KCNMA1: variants seen among roughly 807,000 people sequenced by gnomAD.
KCNMA1 encodes the protein Calcium-activated potassium channel subunit alpha-1.
In KCNMA1, 29 loss-of-function variants were observed where a neutral mutation model predicts 140.0. That is an observed-to-expected ratio of 0.21 (90% CI 0.15 to 0.28). KCNMA1 has a LOEUF of 0.28. KCNMA1 is among the 10% of genes least tolerant of loss of function. KCNMA1 has a pLI of 1.00. For synonymous variants in KCNMA1, 612 were observed against 611.9 expected (o/e 1.00, Z 0.00); for missense variants, 880 against 1,602.2 (o/e 0.55, Z 7.70).
At chr10:77,326,584 C>T (rs116386379) in intron 2 of KCNMA1, among the ~76,000 whole-genome samples, 2,167 of 152,154 alleles carry the variant, frequency 0.014, 46 homozygotes, top group African/African-American at 0.049. Flanking sequence ...ATTGCAAGAC[C>T]CAGAATGTCA....
intron 23 of KCNMA1, among the ~76,000 whole-genome samples, chr10:76,930,632 A>G (rs1030586132): frequency 1.3e-5 from 2 of 152,192 alleles, no homozygotes; most frequent in African/African-American, 2.4e-5. Flanking sequence ...TATATATCCA[A>G]CAGAAATGAA....
At chr10:77,195,900 G>C (rs1328887127) in intron 3 of KCNMA1, among the ~76,000 whole-genome samples, 1 of 152,130 alleles carries the variant, frequency 6.6e-6, no homozygotes, top group Non-Finnish European at 1.5e-5. Flanking sequence ...AGTGAGCCAA[G>C]ATCATACCAC....
At position 77,448,530 on chromosome 10, in the gene KCNMA1, C is replaced by T. The variant is rs1219386708; in HGVS notation, c.379-44507G>A. Among the ~76,000 whole-genome samples the T allele has an allele frequency of 2.6e-5, 4 of 152,276 alleles. No homozygotes were observed. The East Asian group carries it at 7.7e-4, about 29-fold the overall frequency. ...CTTTACATATGAGACAATCAAGACT[C>T]GCAACATCATAAAACTGATCAGCAG... On this transcript the variant is annotated intron_variant, in intron 1 of 27. Coordinates refer to ENST00000286628, the MANE Select transcript of KCNMA1 (RefSeq NM_001161352.2).
chr10:77,299,133 G>A (rs1013365545), intron 2 of KCNMA1, among the ~76,000 whole-genome samples: 6 of 152,178 alleles, frequency 3.9e-5, no homozygotes, highest in Admixed American at 6.5e-5. Context: ...TTTGCATGCT[G>A]AAATGGAGCA....
intron 19 of KCNMA1, among the ~76,000 whole-genome samples, chr10:76,992,582 C>T (rs1284825393): frequency 1.3e-5 from 2 of 152,134 alleles, no homozygotes; most frequent in Non-Finnish European, 2.9e-5. Flanking sequence ...TGGCTTGGTG[C>T]ATTTTGCCAC....
At position 77,340,455 on chromosome 10, in the gene KCNMA1, A is replaced by G. The variant is rs535166673; in HGVS notation, c.540+63407T>C. ...CTAATCACAATAGCACGGACTTGGAACCAACCCAAACGTCCATCAATGATA... is the reference window on the plus strand; with the variant it reads ...CTAATCACAATAGCACGGACTTGGAGCCAACCCAAACGTCCATCAATGATA... On this transcript the variant is annotated intron_variant, in intron 2 of 27. Transcript: ENST00000286628. 5.9e-5 allele frequency among the ~76,000 whole-genome samples: 9 copies of G among 152,312 alleles called. No individual in the cohort carries two copies. The South Asian group carries it at 1.7e-3, about 28-fold the overall frequency.
chr10:77,025,448 C>T (rs1381546919), intron 16 of KCNMA1: 2 of 1,602,776 alleles, frequency 1.2e-6, no homozygotes, highest in African/African-American at 2.7e-5. Flanking sequence ...GTGCATACCG[C>T]TTTCGGCTTC....
intron 14 of KCNMA1, among the ~76,000 whole-genome samples, chr10:77,049,777 T>C (rs1019604919): frequency 2.6e-5 from 4 of 152,194 alleles, no homozygotes; most frequent in Non-Finnish European, 5.9e-5. Context: ...CTTCTGAGCA[T>C]GGAAAAAATT....
intron 1 of KCNMA1, among the ~76,000 whole-genome samples, chr10:77,602,274 GT>G (rs1249691322): frequency 6.6e-6 from 1 of 152,092 alleles, no homozygotes; most frequent in Non-Finnish European, 1.5e-5. Context: ...TAGGATAGGG[GT>G]TCACTATTGT....
chr10:77,352,984 C>G (rs539213064), intron 2 of KCNMA1, among the ~76,000 whole-genome samples: 2 of 152,244 alleles, frequency 1.3e-5, no homozygotes, highest in Non-Finnish European at 2.9e-5. Context: ...AGTCTCTTCA[C>G]GTCCATGGAA....
chr10:76,902,895 T>C (rs1258465849), intron 25 of KCNMA1: 1 of 152,222 alleles, frequency 6.6e-6, no homozygotes, highest in African/African-American at 2.4e-5. Context: ...AATGGGAGTT[T>C]ATAAAAAGAA....
intron 1 of KCNMA1, among the ~76,000 whole-genome samples, chr10:77,565,926 C>T (rs116595129): frequency 7.2e-4 from 109 of 152,226 alleles, no homozygotes; most frequent in African/African-American, 2.6e-3. Flanking sequence ...CAGGGACACA[C>T]AGAACAAGCC....
intron 1 of KCNMA1, among the ~76,000 whole-genome samples, chr10:77,491,077 G>A (rs1388698220): frequency 6.6e-6 from 1 of 152,184 alleles, no homozygotes; most frequent in African/African-American, 2.4e-5. Flanking sequence ...CTCTTTCCGT[G>A]CAAGTCATTA....
At chr10:77,032,366 C>T (rs770907660) in intron 15 of KCNMA1, among the ~76,000 whole-genome samples, 2 of 151,932 alleles carry the variant, frequency 1.3e-5, no homozygotes, top group Non-Finnish European at 2.9e-5. Context: ...TCAACATATA[C>T]AGAATTGGTG....
rs553690002 is a variant in KCNMA1, at chr10:77,231,599, C to T, written c.602+19596G>A. On this transcript the variant is annotated intron_variant, in intron 3 of 27. Transcript: ENST00000286628. ...GGAAAATACCTGTTATGGTCAACAA[C>T]CTAAGAGTCACTCTTGATTCCTCTC... Among the ~76,000 whole-genome samples the T allele has an allele frequency of 3.7e-4, 56 of 152,138 alleles. 2 individuals carry two copies. The highest frequency in any genetic ancestry group is 1.2e-4 in the Non-Finnish European group (8 of 68,020).
chr10:77,637,107 A>C, intron 1 of KCNMA1, 158 bp downstream of exon 1: 1 of 1,282,510 alleles, frequency 7.8e-7, no homozygotes, highest in East Asian at 2.6e-5. Context: ...CCCCGATCCG[A>C]GAGCACCGGG....
chr10:76,907,220 T>C (rs565728751), intron 25 of KCNMA1, among the ~76,000 whole-genome samples: 1 of 152,308 alleles, frequency 6.6e-6, no homozygotes, highest in Non-Finnish European at 1.5e-5. Flanking sequence ...TTAGTCACAC[T>C]ATCCCAAACA....
In KCNMA1 at chr10:76,891,534, C is replaced by T. The variant is rs200045097; in HGVS notation, c.3333G>A (p.Ala1111=). The change falls in exon 26 of 28, where the codon GCG becomes GCA. Residue 1111 remains alanine (A), a synonymous_variant. Transcript: ENST00000286628. ...GGTGCTGTGGACTCACCCCTAAGTC[C>T]GCAAATGGCCCATCGAGCAGAGCTA... is the stretch of plus-strand genomic sequence containing the variant. The part of the protein sequence containing the change: ...AQLALLDGPF[A]DLGDGGCYGD... 1.5e-5 allele frequency: 24 copies of T among 1,612,932 alleles called. No individual in the cohort carries two copies. The highest frequency in any genetic ancestry group is 1.7e-5 in the Admixed American group (1 of 60,000).
intron 5 of KCNMA1, among the ~76,000 whole-genome samples, chr10:77,159,890 T>C (rs949568851): frequency 1.3e-5 from 2 of 152,222 alleles, no homozygotes; most frequent in African/African-American, 2.4e-5. Flanking sequence ...TTTTGTTCAT[T>C]CATTCATGTC....
Sources: allele counts gnomAD v4.1 joint callset (sites outside exome capture counted in the v4.1 genomes callset), GRCh38; gene constraint gnomAD v4.1.1; transcripts MANE v1.5; gene names NCBI Gene and HGNC (gene_info 2026-07-23, HGNC 2026-07-21).